Variants in DIDO1 observed in about 807,000 individuals in gnomAD.
DIDO1 encodes death inducer-obliterator 1, also known as death-inducer obliterator 1.
Under a neutral mutation model 99.4 loss-of-function variants are expected in DIDO1, and 16 were observed. The ratio of observed to expected loss-of-function variants is 0.16; its 90% confidence interval spans 0.11 to 0.24. The LOEUF (loss-of-function observed/expected upper bound fraction) is 0.24. Among genes scored for constraint, DIDO1 ranks in the 10% least tolerant of loss-of-function variants. DIDO1 has a pLI of 1.00. For missense variants in DIDO1, 2,996 were observed against 3,014.0 expected, an observed-to-expected ratio of 0.99 and a Z score of 0.14; for synonymous variants, 1,366 against 1,239.1, an observed-to-expected ratio of 1.10 and a Z score of -2.15.
upstream of DIDO1, among the ~76,000 whole-genome samples, chr20:62,931,066 G>A (rs992636717): frequency 1.1e-4 from 16 of 152,088 alleles, no homozygotes; most frequent in African/African-American, 3.1e-4. Flanking sequence ...TCACCCTCCC[G>A]AGTAGCTGGG....
chr20:62,884,024 G>A (rs550581879), intron 15 of DIDO1, among the ~76,000 whole-genome samples: 281 of 152,130 alleles, frequency 1.8e-3, no homozygotes, highest in African/African-American at 6.5e-3. Flanking sequence ...TAAAATAAAT[G>A]TTTTGGGTTT....
At chr20:62,930,516 GA>G (rs2147607553), upstream of DIDO1, among the ~76,000 whole-genome samples, 1 of 152,342 alleles carries the variant, frequency 6.6e-6, no homozygotes, top group South Asian at 2.1e-4. Context: ...TGTGGGATGT[GA>G]TGGAGCTACA....
rs112630186 is a variant in DIDO1 at position 62,911,022 on chromosome 20, G to A, written c.591C>T (p.Pro197=). 2.9e-4 allele frequency: 460 copies of A among 1,613,840 alleles called. 4 individuals carry two copies. The highest frequency in any genetic ancestry group is 2.5e-3 in the East Asian group (113 of 44,866). ...TGGCCTCGGAGCCCACAGTCTCGGC[G>A]GGACCCTCCTCCCGGCGCTTCTTCC... The part of the protein sequence containing the change: ...RLRKKRREEG[P]AETVGSEASD... Residue 197 remains proline, a synonymous_variant, in exon 3 of 16, where the codon CCC becomes CCT. Transcript: ENST00000395343. The surrounding 1 kb of genome is among the most constrained non-coding windows in gnomAD (Gnocchi z 7.0).
chr20:62,896,977 C>T lies in DIDO1; in HGVS notation c.1608G>A (p.Arg536=). ...LLYKSTKEDR[R]SEEKAAAMAA... is the part of the protein sequence containing the mutation. ...CCATGGCTGCCGCTTTCTCCTCGGA[C>T]CTCCTGTCTTCCTTCGTGGCTACAA... Residue 536 remains arginine, a synonymous_variant, in exon 7 of 16, where the codon AGG becomes AGA. Coordinates refer to ENST00000395343, the MANE Select transcript of DIDO1 (RefSeq NM_001193369.2). The surrounding 1 kb of genome is among the most constrained non-coding windows in gnomAD (Gnocchi z 4.4). 6.2e-7 allele frequency: 1 copy of T among 1,612,652 alleles called. No individual in the cohort carries two copies. The highest frequency in any genetic ancestry group is 8.5e-7 in the Non-Finnish European group (1 of 1,179,376).
chr20:62,884,165 G>A (rs1480466198), intron 15 of DIDO1, among the ~76,000 whole-genome samples: 2 of 152,014 alleles, frequency 1.3e-5, no homozygotes, highest in Non-Finnish European at 2.9e-5. Flanking sequence ...AGAGCAGGTG[G>A]ACGACGCGCA....
intron 15 of DIDO1, among the ~76,000 whole-genome samples, chr20:62,883,947 A>G (rs2064254195): frequency 6.6e-6 from 1 of 152,224 alleles, no homozygotes; most frequent in African/African-American, 2.4e-5. Context: ...CAGAGGTTGC[A>G]GTGAGCCGAG....
In DIDO1 at chr20:62,879,360, C is replaced by T. The variant is rs1271481460; in HGVS notation, c.6596G>A (p.Arg2199Gln). Residue 2199 changes from arginine (R) to glutamine (Q), a missense_variant, in exon 16 of 16, where the codon CGA (arginine) becomes CAA (glutamine). By Grantham distance (43) the Arg-to-Gln change is conservative (BLOSUM62 1). This residue lies in a region of DIDO1 where 1,562 missense variants were observed against 1,412.6 expected (regional missense o/e 1.11). Coordinates refer to ENST00000395343, the MANE Select transcript of DIDO1 (RefSeq NM_001193369.2). The surrounding 1 kb of genome is among the most constrained non-coding windows in gnomAD (Gnocchi z 6.3). ...CCGCTCCCTGTCCCTGGCCTTGTCT[C>T]GGTCCCGCTCTCTGCTCCGGGACCG... ...RDRSRSRERD[R>Q]DKARDRERGR... 2 of 1,549,354 alleles carry T rather than the reference C, an allele frequency of 1.3e-6. No homozygotes were observed. Among genetic ancestry groups the T allele is most frequent in the East Asian group, 2.4e-5 (1 of 41,048 alleles).
At chr20:62,888,394 C>T in intron 15 of DIDO1, 1 of 985,558 alleles carries the variant, frequency 1.0e-6, no homozygotes, top group Non-Finnish European at 1.2e-6. Flanking sequence ...GCTGGGGCGC[C>T]AGGTCTCCTT....
intron 15 of DIDO1, chr20:62,888,264 C>T (rs1186404680): frequency 3.0e-6 from 3 of 985,536 alleles, no homozygotes; most frequent in Non-Finnish European, 3.6e-6. Flanking sequence ...AACTGAGGCA[C>T]ATGGACGAGT....
rs375473409 is a variant in DIDO1, at chr20:62,880,452, C to G, written c.5504G>C (p.Arg1835Pro). The G allele has an allele frequency of 3.7e-6, 6 of 1,612,898 alleles. No individual in the cohort carries two copies. Among genetic ancestry groups the G allele is most frequent in the Non-Finnish European group, 5.1e-6 (6 of 1,180,010 alleles). The change falls in exon 16 of 16, where the codon CGA becomes CCA. Residue 1835 changes from arginine (R) to proline (P), a missense_variant. Physicochemically the swap from Arg to Pro is moderately radical, Grantham distance 103. Transcript: ENST00000395343. ...TTCAAATTGGGATGGTGCCACTCCTCGTGGTCCACCAAGGTAAGAGGGTGA... is the reference window on the plus strand; with the variant it reads ...TTCAAATTGGGATGGTGCCACTCCTGGTGGTCCACCAAGGTAAGAGGGTGA... The part of the protein sequence containing the change: ...GPSPSYLGGP[R>P]GVAPSQFEER...
chr20:62,893,579 G>A, intron 12 of DIDO1, 87 bp downstream of exon 12: 16 of 1,430,202 alleles, frequency 1.1e-5, no homozygotes, highest in Admixed American at 2.4e-5. Context: ...ACATTTCCAA[G>A]TTCAACTATT....
At chr20:62,882,516 C>A in intron 15 of DIDO1, 102 bp from the exon 16 acceptor site, 4 of 1,145,220 alleles carry the variant, frequency 3.5e-6, no homozygotes, top group Non-Finnish European at 3.7e-6. Context: ...GTTTAATAGA[C>A]AAAAATAAGC....
intron 1 of DIDO1, among the ~76,000 whole-genome samples, 178 bp from the exon 2 acceptor site, chr20:62,914,584 C>T (rs955728543): frequency 2.0e-5 from 3 of 152,166 alleles, no homozygotes; most frequent in Middle Eastern, 3.2e-3. Context: ...GACCTCTACC[C>T]AGGACAGCAG....
Position 62,880,990 on chromosome 20 carries a change from G to A in DIDO1, c.4966C>T (p.Arg1656Trp), listed in dbSNP as rs973386576. ...GGCGGTGTGGGCAGCAGCACCCTCC[G>A]GGCAGGCCTGGCCGAGCTGTCTCCA... ...TVGDSSARPA[R>W]RVLLPTPPCG... Residue 1656 changes from arginine (R) to tryptophan (W), a missense_variant, in exon 16 of 16, where the codon CGG (arginine) becomes TGG (tryptophan). Arg to Trp is a moderately radical substitution (Grantham distance 101, BLOSUM62 -3). Coordinates refer to ENST00000395343, the MANE Select transcript of DIDO1 (RefSeq NM_001193369.2). 3 of 1,605,664 alleles carry A rather than the reference G, an allele frequency of 1.9e-6. No individual in the cohort carries two copies. Among genetic ancestry groups the A allele is most frequent in the East Asian group, 2.2e-5 (1 of 44,820 alleles).
rs920557362 is a variant in DIDO1 at position 62,879,317 on chromosome 20, G to C, written c.6639C>G (p.Asp2213Glu). ...GAGCGCTCTCTTTGCTCTTGCTCCG[G>C]TCCTTGCGGTCGCGGCCCCGCTCCC... ...RDRERGRDRK[D>E]RSKSKESARD... is the part of the protein sequence containing the mutation. Residue 2213 changes from aspartate to glutamate, a missense_variant, in exon 16 of 16, where the codon GAC (aspartate) becomes GAG (glutamate). Around this residue, in one of 5 missense-constraint regions of DIDO1, gnomAD observed 1,562 missense variants for 1,412.6 expected, o/e 1.11. Transcript: ENST00000395343. This position sits in a 1 kb window ranked among gnomAD's most constrained non-coding sequence, Gnocchi z 6.3. 1.3e-6 allele frequency: 2 copies of C among 1,569,812 alleles called. No homozygotes were observed. The highest frequency in any genetic ancestry group is 1.8e-5 in the Admixed American group (1 of 54,854).
Position 62,881,097 on chromosome 20 carries a change from G to A in DIDO1, c.4859C>T (p.Ala1620Val). Residue 1620 changes from alanine (A) to valine (V), a missense_variant, in exon 16 of 16, where the codon GCT becomes GTT. Transcript: ENST00000395343. This position sits in a 1 kb window ranked among gnomAD's most constrained non-coding sequence, Gnocchi z 8.3. Reference sequence around the variant, plus strand: ...CCCCGCTGGGGGCTTTTCGCCCGAAGCCCAGGGGGAAGAGGCTGGCTCTTT... The same window carrying A: ...CCCCGCTGGGGGCTTTTCGCCCGAAACCCAGGGGGAAGAGGCTGGCTCTTT... ...EEKEPASSPW[A>V]SGEKPPAGSE... 6.2e-7 allele frequency: 1 copy of A among 1,609,216 alleles called. No homozygotes were observed. The highest frequency in any genetic ancestry group is 8.5e-7 in the Non-Finnish European group (1 of 1,179,508).
chr20:62,881,588 G>T lies in DIDO1; in HGVS notation c.4368C>A (p.Ser1456=). Residue 1456 remains serine (S), a synonymous_variant, in exon 16 of 16, where the codon TCC becomes TCA. Coordinates refer to ENST00000395343, the MANE Select transcript of DIDO1 (RefSeq NM_001193369.2). The surrounding 1 kb of genome is among the most constrained non-coding windows in gnomAD (Gnocchi z 8.3). ...CCACCGGCTCGGCAGGCCTCTCCAC[G>T]GAGTTCCTTCTCACGTCGGCACACA... ...NRMCADVRRN[S]VERPAEPVAG... 6.2e-7 allele frequency: 1 copy of T among 1,611,672 alleles called. No homozygotes were observed. Among genetic ancestry groups the T allele is most frequent in the Non-Finnish European group, 8.5e-7 (1 of 1,180,014 alleles).
intron 15 of DIDO1, chr20:62,889,890 A>G (rs577225422): frequency 4.1e-6 from 4 of 985,486 alleles, no homozygotes; most frequent in East Asian, 2.3e-4. Flanking sequence ...TTATGGACAT[A>G]TAATTCCACA....
rs1418578519 is a variant in DIDO1, at chr20:62,878,125, CAAGTG to C, written c.*1103_*1107del. On this transcript the variant is annotated 3_prime_UTR_variant, in exon 16 of 16. Coordinates refer to ENST00000395343, the MANE Select transcript of DIDO1 (RefSeq NM_001193369.2). ...CAATGGAATAACAGACTCCAAAGAA[CAAGTG>C]AAGTTCTTTAATTTTACATCTGTAA... 6.6e-6 allele frequency: 1 copy of C among 152,160 alleles called. No homozygotes were observed. The highest frequency in any genetic ancestry group is 2.1e-4 in the South Asian group (1 of 4,832). 9.4% of individuals were successfully genotyped at this position (152,160 alleles called of 1,614,324 possible).
Sources: allele counts gnomAD v4.1 joint callset (sites outside exome capture counted in the v4.1 genomes callset), GRCh38; gene constraint gnomAD v4.1.1; regional missense constraint gnomAD v4.1.1; non-coding constraint Gnocchi (gnomAD v3.1); transcripts MANE v1.5; gene names NCBI Gene and HGNC (gene_info 2026-07-23, HGNC 2026-07-21).